The following GNL2 variants were observed in gnomAD, a reference collection of about 807,000 sequenced individuals.
The protein encoded by GNL2 is G protein nucleolar 2, also known as nucleolar GTP-binding protein 2.
Under a neutral mutation model 92.3 loss-of-function variants are expected in GNL2, and 51 were observed. The observed-to-expected ratio is 0.55, with a 90% CI of 0.44 to 0.70. GNL2 has a LOEUF of 0.70. Among genes scored for constraint, GNL2 ranks in the 30% least tolerant of loss-of-function variants. The pLI is 0.00. For missense variants in GNL2, 844 were observed against 895.6 expected (o/e 0.94, Z 0.74); for synonymous variants, 283 against 300.6 (o/e 0.94, Z 0.61).
chr1:37,590,640 G>A (rs1414217879), intron 4 of GNL2, 66 bp downstream of exon 4: 6 of 1,292,422 alleles, frequency 4.6e-6, no homozygotes, highest in Non-Finnish European at 6.7e-6. Flanking sequence ...AGACAAATAT[G>A]TTAGAGAGGG....
chr1:37,590,599 T>C, intron 4 of GNL2, 107 bp downstream of exon 4: 3 of 909,946 alleles, frequency 3.3e-6, no homozygotes, highest in South Asian at 2.9e-5. Flanking sequence ...CATTGCTACA[T>C]TAAAGTCACT....
Position 37,574,474 on chromosome 1 carries a change from G to T in GNL2, c.1303-18C>A, listed in dbSNP as rs1173969140. ...TCTCCACCCTGAAAGGTCACAAAGAGATTCCCAATTAAATTCAAAGGACCA... is the reference window on the plus strand; with the variant it reads ...TCTCCACCCTGAAAGGTCACAAAGATATTCCCAATTAAATTCAAAGGACCA... On this transcript the variant is annotated intron_variant, in intron 11 of 15. Transcript: ENST00000373062. The T allele has an allele frequency of 3.1e-6, 5 of 1,595,482 alleles. No homozygotes were observed. In the African/African-American group the frequency reaches 4.0e-5, roughly 13 times the overall value.
intron 5 of GNL2, among the ~76,000 whole-genome samples, chr1:37,584,996 C>T (rs1023805236): frequency 2.0e-5 from 3 of 149,888 alleles, no homozygotes; most frequent in African/African-American, 4.9e-5. Flanking sequence ...GCTGGAGAAT[C>T]GCTTGAACCC....
Position 37,575,106 on chromosome 1 carries a change from C to A in GNL2, c.1144-283G>T, listed in dbSNP as rs1643658425. 1.3e-5 allele frequency among the ~76,000 whole-genome samples: 2 copies of A among 152,176 alleles called. No homozygotes were observed. Among genetic ancestry groups the A allele is most frequent in the African/African-American group, 4.8e-5 (2 of 41,438 alleles). On this transcript the variant is annotated intron_variant, in intron 10 of 15. Coordinates refer to ENST00000373062, the MANE Select transcript of GNL2 (RefSeq NM_013285.3). This position sits in a 1 kb window ranked among gnomAD's most constrained non-coding sequence, Gnocchi z 4.1. ...AACTTGGAATGCTTCATGTTACTCA[C>A]TTGCAGAAATGGTTAAAAGCCTGCC...
At chr1:37,568,475 C>A in intron 13 of GNL2, 118 bp from the exon 14 acceptor site, 1 of 669,198 alleles carries the variant, frequency 1.5e-6, no homozygotes. Flanking sequence ...AAGTAGTTAT[C>A]ACCAGTGGAA....
chr1:37,590,839 G>A lies in GNL2; in HGVS notation c.251C>T (p.Thr84Ile). ...VEPNIKWFGNTRVIKQSSLQK... is the reference protein window; with the variant it reads ...VEPNIKWFGNIRVIKQSSLQK... Reference sequence around the variant, plus strand: ...TAATGATGACTGCTTAATCACACGTGTGTTTCCTGTTTTACAAATAAAGAA... The same window carrying A: ...TAATGATGACTGCTTAATCACACGTATGTTTCCTGTTTTACAAATAAAGAA... The change falls in exon 4 of 16, where the codon ACA becomes ATA. Residue 84 changes from threonine (T) to isoleucine (I), a missense_variant. Thr to Ile is a moderately conservative substitution (Grantham distance 89, BLOSUM62 -1). Coordinates refer to ENST00000373062, the MANE Select transcript of GNL2 (RefSeq NM_013285.3). 6.4e-7 allele frequency: 1 copy of A among 1,565,600 alleles called. No individual in the cohort carries two copies. The highest frequency in any genetic ancestry group is 1.2e-5 in the South Asian group (1 of 84,814).
intron 8 of GNL2, among the ~76,000 whole-genome samples, chr1:37,582,005 G>T (rs1328480551): frequency 6.6e-5 from 10 of 152,028 alleles, no homozygotes; most frequent in African/African-American, 2.4e-4. Context: ...CTGTTACCCA[G>T]GCTGGAGTGC....
rs1315325640 is a variant in GNL2, at chr1:37,574,784, C to T, written c.1183G>A (p.Gly395Ser). 14 of 1,612,946 alleles carry T rather than the reference C, an allele frequency of 8.7e-6. No individual in the cohort carries two copies. The highest frequency in any genetic ancestry group is 2.2e-5 in the East Asian group (1 of 44,900). The change falls in exon 11 of 16, where the codon GGT (glycine) becomes AGT (serine). Residue 395 changes from glycine (G) to serine (S), a missense_variant. Gly to Ser is a moderately conservative substitution (Grantham distance 56). Transcript: ENST00000373062. ...EKIKSPEDHI[G>S]AVLERAKPEY... ...GGCTTTGCTCGTTCAAGTACAGCAC[C>T]AATGTGGTCTTCAGGACTCTTAATT...
intron 8 of GNL2, chr1:37,581,595 A>G (rs1643768672): frequency 2.2e-6 from 1 of 448,802 alleles, no homozygotes; most frequent in African/African-American, 2.0e-5. Flanking sequence ...GCAAAGGCTG[A>G]GCAAGAAAAC....
intron 14 of GNL2, 60 bp downstream of exon 14, chr1:37,568,215 G>C (rs1324180323): frequency 1.1e-5 from 12 of 1,064,230 alleles, no homozygotes; most frequent in Non-Finnish European, 1.8e-5. Flanking sequence ...CTGAACTTAG[G>C]TTTCTCAAAA....
chr1:37,567,726 C>T lies in GNL2; in HGVS notation c.1990G>A (p.Glu664Lys), dbSNP rs1250135062. The change falls in exon 15 of 16, where the codon GAA becomes AAA. Residue 664 changes from glutamate (E) to lysine (K), a missense_variant. Glu to Lys is a moderately conservative substitution (Grantham distance 56). Transcript: ENST00000373062. ...TTATTTGAATGTTCCTGTTCCTCTT[C>T]CCTTTGTGCCTTCCGCTTCTTTCCC... ...KKGKKRKAQR[E>K]EEQEHSNKAP... The T allele has an allele frequency of 3.7e-6, 6 of 1,613,830 alleles. No individual in the cohort carries two copies. Among genetic ancestry groups the T allele is most frequent in the Admixed American group, 1.7e-5 (1 of 59,996 alleles).
Position 37,590,744 on chromosome 1 carries a change from AC to A in GNL2, c.345del (p.Lys115AsnfsTer16). The A allele has an allele frequency of 6.2e-7, 1 of 1,613,462 alleles. No individual in the cohort carries two copies. Among genetic ancestry groups the A allele is most frequent in the Non-Finnish European group, 8.5e-7 (1 of 1,179,386 alleles). On this transcript the variant is annotated frameshift_variant, in exon 4 of 16. Coordinates refer to ENST00000373062, the MANE Select transcript of GNL2 (RefSeq NM_013285.3). LOFTEE classifies it high-confidence loss of function. The stretch of plus-strand genomic sequence containing the variant: ...CGATCATGGAGAAGAGACATTGGTA[AC>A]TTGCTTTGCTTCATGACAACTTTGT... ...DPYKVVMKQSKLPMSLLHDRI... is the reference protein window; with the variant it reads ...DPYKVVMKQSXLPMSLLHDRI...
chr1:37,568,917 T>G lies in GNL2; in HGVS notation c.1802A>C (p.Asp601Ala), dbSNP rs1237105410. 6.2e-7 allele frequency: 1 copy of G among 1,614,076 alleles called. No homozygotes were observed. Among genetic ancestry groups the G allele is most frequent in the Non-Finnish European group, 8.5e-7 (1 of 1,180,028 alleles). Residue 601 changes from aspartate to alanine, a missense_variant, in exon 13 of 16, where the codon GAT (aspartate) becomes GCT (alanine). By Grantham distance (126) the Asp-to-Ala change is moderately radical. Transcript: ENST00000373062. Reference protein sequence around the residue: ...NDTKAVIKALDEKIAKYQKFL... With the variant: ...NDTKAVIKALAEKIAKYQKFL... ...CTTCTGATATTTGGCAATCTTCTCA[T>G]CCAGTGCTTTAATAACGGCTTTGGT...
intron 8 of GNL2, among the ~76,000 whole-genome samples, chr1:37,577,437 G>A (rs77545205): frequency 3.3e-5 from 5 of 152,220 alleles, no homozygotes; most frequent in South Asian, 4.1e-4. Flanking sequence ...TGCTAACCCC[G>A]TTCCCTCACC....
At chr1:37,572,834 C>T (rs1159412172) in intron 12 of GNL2, among the ~76,000 whole-genome samples, 3 of 152,168 alleles carry the variant, frequency 2.0e-5, no homozygotes, top group African/African-American at 7.2e-5. Flanking sequence ...GGGACCTAGT[C>T]CTTAACTTGT....
intron 8 of GNL2, among the ~76,000 whole-genome samples, chr1:37,576,902 A>T (rs933014334): frequency 1.4e-4 from 22 of 152,202 alleles, no homozygotes; most frequent in Admixed American, 1.1e-3. Context: ...ACCTGAGGTC[A>T]GGGGTTCGAG....
intron 5 of GNL2, among the ~76,000 whole-genome samples, chr1:37,587,054 C>G (rs560569283): frequency 6.6e-6 from 1 of 152,068 alleles, no homozygotes; most frequent in Non-Finnish European, 1.5e-5. Flanking sequence ...ATTGCCTGAG[C>G]TCACGAGTTC....
At chr1:37,567,847 C>T (rs1643531352) in intron 14 of GNL2, 83 bp from the exon 15 acceptor site, 2 of 1,040,662 alleles carry the variant, frequency 1.9e-6, no homozygotes, top group Middle Eastern at 4.6e-4. Flanking sequence ...CTTGATGTAT[C>T]AGGAGGAGGA....
chr1:37,591,003 C>A lies in GNL2; in HGVS notation c.245-158G>T, dbSNP rs996405277. 4.6e-5 allele frequency among the ~76,000 whole-genome samples: 7 copies of A among 152,244 alleles called. No homozygotes were observed. In the South Asian group the frequency reaches 8.3e-4, roughly 18 times the overall value. ...TTTTCAAACTTAAAAGAGGAAAAAA[C>A]CAAAAAACTGCCTCTCCCGCACTTG... On this transcript the variant is annotated intron_variant, in intron 3 of 15. Transcript: ENST00000373062.
Sources: allele counts gnomAD v4.1 joint callset (sites outside exome capture counted in the v4.1 genomes callset), GRCh38; gene constraint gnomAD v4.1.1; non-coding constraint Gnocchi (gnomAD v3.1); transcripts MANE v1.5; gene names NCBI Gene and HGNC (gene_info 2026-07-23, HGNC 2026-07-21).